The following CSGALNACT1 variants were observed in gnomAD, a reference collection of about 807,000 sequenced individuals.
CSGALNACT1 encodes beta4GalNAcT-1.
A neutral mutation model predicts 51.0 loss-of-function variants in CSGALNACT1; 52 were observed. The ratio of observed to expected loss-of-function variants is 1.02; its 90% CI spans 0.82 to 1.29. CSGALNACT1 has a LOEUF of 1.29. Ranked by LOEUF, CSGALNACT1 falls within the 50% of genes most tolerant of loss-of-function variation. The probability of loss-of-function intolerance (pLI) is 0.00; values close to 1 mark genes in which losing one functional copy is unlikely to be tolerated. For synonymous variants in CSGALNACT1, 341 were observed against 254.4 expected (o/e 1.34, Z -3.24); for missense variants, 935 against 679.2 (o/e 1.38, Z -4.19).
At chr8:19,425,200 G>A (rs1207845385) in intron 6 of CSGALNACT1, among the ~76,000 whole-genome samples, 2 of 152,136 alleles carry the variant, frequency 1.3e-5, no homozygotes, top group African/African-American at 4.8e-5. Flanking sequence ...GAATTAGCCA[G>A]GCGTGGTGGT....
chr8:19,627,268 T>C (rs1037859720), intron 1 of CSGALNACT1, among the ~76,000 whole-genome samples: 6 of 152,134 alleles, frequency 3.9e-5, no homozygotes, highest in East Asian at 1.9e-4. Context: ...CTCAAGATTA[T>C]AGAGAGTGAA....
chr8:19,657,223 C>G (rs556019085), intron 1 of CSGALNACT1, among the ~76,000 whole-genome samples: 4 of 100,162 alleles, frequency 4.0e-5, no homozygotes, highest in Admixed American at 1.2e-4. Context: ...GAGAAAGACA[C>G]AGATAAACTG....
At chr8:19,742,997 T>A (rs538642466) in intron 1 of CSGALNACT1, among the ~76,000 whole-genome samples, 1 of 152,232 alleles carries the variant, frequency 6.6e-6, no homozygotes, top group African/African-American at 2.4e-5. Context: ...CTTCCCTTGT[T>A]TGATCTTTAT....
intron 4 of CSGALNACT1, among the ~76,000 whole-genome samples, chr8:19,486,425 A>C (rs1233231263): frequency 6.6e-6 from 1 of 152,144 alleles, no homozygotes; most frequent in Non-Finnish European, 1.5e-5. Flanking sequence ...GTAAAAGCCA[A>C]ATCCTCACCC....
chr8:19,630,319 A>C (rs1178348697), intron 1 of CSGALNACT1, among the ~76,000 whole-genome samples: 1 of 152,068 alleles, frequency 6.6e-6, no homozygotes, highest in African/African-American at 2.4e-5. Context: ...GCTAATTTAA[A>C]AAAATTAATA....
intron 3 of CSGALNACT1, among the ~76,000 whole-genome samples, chr8:19,511,959 C>T (rs180797023): frequency 1.2e-3 from 183 of 152,266 alleles, no homozygotes; most frequent in African/African-American, 4.3e-3. Context: ...ATGATGAGAA[C>T]AGCAAGTGGG....
chr8:19,531,530 G>A (rs1264077006), intron 3 of CSGALNACT1, among the ~76,000 whole-genome samples: 1 of 152,190 alleles, frequency 6.6e-6, no homozygotes, highest in Admixed American at 6.5e-5. Context: ...TCCAAGTCCT[G>A]TTTCTAACAC....
intron 6 of CSGALNACT1, among the ~76,000 whole-genome samples, chr8:19,433,164 AAT>A (rs2059895277): frequency 6.6e-6 from 1 of 152,176 alleles, no homozygotes; most frequent in Admixed American, 6.5e-5. Flanking sequence ...ATGGTCAGCT[AAT>A]GAGTGGACAA....
chr8:19,503,195 C>T (rs1038174671), intron 4 of CSGALNACT1, among the ~76,000 whole-genome samples: 7 of 152,158 alleles, frequency 4.6e-5, no homozygotes, highest in East Asian at 1.9e-4. Context: ...TACTCATCAA[C>T]GAAAACAGTT....
chr8:19,529,687 T>A (rs970810013), intron 3 of CSGALNACT1, among the ~76,000 whole-genome samples: 1 of 152,034 alleles, frequency 6.6e-6, no homozygotes, highest in Non-Finnish European at 1.5e-5. Flanking sequence ...CACAGAGTTG[T>A]CGCTTGGTAT....
At chr8:19,565,869 C>CTCTGCACTGCACTG (rs1291292440) in intron 3 of CSGALNACT1, among the ~76,000 whole-genome samples, 8 of 152,194 alleles carry the variant, frequency 5.3e-5, no homozygotes, top group African/African-American at 1.4e-4. Flanking sequence ...CGAGATCGTG[C>CTCTGCACTGCACTG]CACTGCACTC....
intron 3 of CSGALNACT1, among the ~76,000 whole-genome samples, chr8:19,556,975 C>T (rs1010868975): frequency 2.7e-5 from 4 of 146,118 alleles, no homozygotes; most frequent in African/African-American, 1.0e-4. Flanking sequence ...ATACTCTCTG[C>T]CCAGCCAAAA....
At chr8:19,443,734 C>T (rs1179528465) in intron 5 of CSGALNACT1, among the ~76,000 whole-genome samples, 4 of 152,160 alleles carry the variant, frequency 2.6e-5, no homozygotes, top group Non-Finnish European at 5.9e-5. Context: ...GGGGATATAG[C>T]TAAACCATAT....
chr8:19,574,904 G>T (rs1458049026), intron 3 of CSGALNACT1, among the ~76,000 whole-genome samples: 1 of 152,126 alleles, frequency 6.6e-6, no homozygotes, highest in Non-Finnish European at 1.5e-5. Flanking sequence ...ACATGGTAGC[G>T]GGTACCTGTA....
At chr8:19,748,788 A>T (rs1167114474) in intron 1 of CSGALNACT1, among the ~76,000 whole-genome samples, 1 of 152,122 alleles carries the variant, frequency 6.6e-6, no homozygotes, top group South Asian at 2.1e-4. Flanking sequence ...AACATGGTGA[A>T]TCCTCTACTC....
chr8:19,605,663 C>G (rs1463332992), upstream of CSGALNACT1, among the ~76,000 whole-genome samples: 2 of 152,114 alleles, frequency 1.3e-5, no homozygotes, highest in Non-Finnish European at 1.5e-5. Context: ...AGAAACCATC[C>G]ATGGAAAAAT....
At chr8:19,571,880 G>C (rs1005385219) in intron 3 of CSGALNACT1, among the ~76,000 whole-genome samples, 1 of 152,194 alleles carries the variant, frequency 6.6e-6, no homozygotes. Flanking sequence ...AGAAGTTACT[G>C]TAAGTTTTCT....
Position 19,755,583 on chromosome 8 carries a change from T to C in CSGALNACT1, c.-297+2267A>G, listed in dbSNP as rs141898269. Among the ~76,000 whole-genome samples the C allele has an allele frequency of 3.6e-3, 546 of 151,626 alleles. 4 individuals are homozygous for C. Among genetic ancestry groups the C allele is most frequent in the African/African-American group, 0.012 (507 of 41,372 alleles). On this transcript the variant is annotated intron_variant, in intron 1 of 1. Transcript: ENST00000517494. ...CATCTCTATAAGGTGAGGAATACTA[T>C]TGGCATTTTACAAATTAGGACACCA...
At chr8:19,433,646 G>T (rs530957485) in intron 6 of CSGALNACT1, among the ~76,000 whole-genome samples, 1 of 152,274 alleles carries the variant, frequency 6.6e-6, no homozygotes, top group East Asian at 1.9e-4. Context: ...TGTCTTCCGA[G>T]GAACCTCCGG....
Sources: gnomAD v4.1 joint callset for allele counts (sites outside exome capture counted in the v4.1 genomes callset) on GRCh38, gnomAD v4.1.1 for gene constraint, MANE v1.5 for transcripts, NCBI Gene and HGNC (gene_info 2026-07-23, HGNC 2026-07-21) for gene names.